The following CERS5 variants were observed in gnomAD, a reference collection of about 807,000 sequenced individuals.
CERS5 encodes the protein LAG1 homolog, ceramide synthase 5.
Under a neutral mutation model 58.9 loss-of-function variants are expected in CERS5, and 37 were observed. The observed-to-expected ratio is 0.63, with a 90% CI of 0.48 to 0.83. The LOEUF is 0.83. Ranked by LOEUF, CERS5 falls within the 40% of genes least tolerant of loss-of-function variation. The pLI is 0.00. For missense variants in CERS5, 398 were observed against 489.3 expected, an observed-to-expected ratio of 0.81 and a Z score of 1.76; for synonymous variants, 147 against 177.8, an observed-to-expected ratio of 0.83 and a Z score of 1.38.
At chr12:50,144,769 C>T (rs1211992083) in intron 1 of CERS5, 7 of 1,516,158 alleles carry the variant, frequency 4.6e-6, no homozygotes, top group East Asian at 2.5e-5. Flanking sequence ...AATCACTTAC[C>T]TCTTGGGTCT....
At chr12:50,158,776 C>A (rs557926631) in intron 1 of CERS5, among the ~76,000 whole-genome samples, 1 of 152,180 alleles carries the variant, frequency 6.6e-6, no homozygotes, top group African/African-American at 2.4e-5. Context: ...CCTGTAATTG[C>A]GACTGCTTAC....
At chr12:50,132,270 C>T (rs908613760) in intron 9 of CERS5, among the ~76,000 whole-genome samples, 48 of 152,020 alleles carry the variant, frequency 3.2e-4, no homozygotes, top group South Asian at 2.1e-3. Flanking sequence ...GGCGTGGTGG[C>T]GTATGCCTGT....
rs57414154 is a variant in CERS5 at position 50,144,862 on chromosome 12, G to A, written c.198-805C>T. 7.5e-4 allele frequency: 989 copies of A among 1,321,818 alleles called. 10 individuals carry two copies. The African/African-American group carries it at 0.012, about 17-fold the overall frequency. The allele number at this position is 1,321,818 out of a possible 1,614,324, so 81.9% of individuals were successfully genotyped here. On this transcript the variant is annotated intron_variant, in intron 1 of 9. Transcript: ENST00000317551. ...TTTAAAAAGAATAAAAAAGCCGGGCGTGGTGGCTCACGCCTGTAATCCCAG... is the reference window on the plus strand; with the variant it reads ...TTTAAAAAGAATAAAAAAGCCGGGCATGGTGGCTCACGCCTGTAATCCCAG...
At chr12:50,160,969 CAAAG>C (rs945096625) in intron 1 of CERS5, among the ~76,000 whole-genome samples, 41 of 152,286 alleles carry the variant, frequency 2.7e-4, no homozygotes, top group Admixed American at 1.4e-3. Flanking sequence ...ACAACAGAAA[CAAAG>C]AAATTATAAT....
At chr12:50,161,566 C>T (rs900807821) in intron 1 of CERS5, among the ~76,000 whole-genome samples, 16 of 151,878 alleles carry the variant, frequency 1.1e-4, no homozygotes, top group Non-Finnish European at 7.4e-5. Flanking sequence ...CACTTGAGGC[C>T]GGGAGTTCAA....
intron 1 of CERS5, among the ~76,000 whole-genome samples, chr12:50,161,784 G>GAAAAAAAAAAAAAAAAAAAAAAAAAA (rs374177550): frequency 2.9e-4 from 26 of 90,862 alleles, no homozygotes; most frequent in East Asian, 5.2e-4. Context: ...CTCAAAAAAA[G>GAAAAAAAAAAAAAAAAAAAAAAAAAA]AAAAAAAAAA....
chr12:50,166,714 A>G, intron 1 of CERS5, among the ~76,000 whole-genome samples: 1 of 152,134 alleles, frequency 6.6e-6, no homozygotes, highest in Non-Finnish European at 1.5e-5. Flanking sequence ...CATGGTCACA[A>G]CTAGCTCTGG....
chr12:50,149,890 G>C (rs556770689), intron 1 of CERS5, among the ~76,000 whole-genome samples: 1 of 152,190 alleles, frequency 6.6e-6, no homozygotes, highest in South Asian at 2.1e-4. Flanking sequence ...CTACAGGCGT[G>C]CACCACCATG....
At chr12:50,143,235 C>G in intron 2 of CERS5, 31 bp from the exon 3 acceptor site, 1 of 1,613,422 alleles carries the variant, frequency 6.2e-7, no homozygotes, top group South Asian at 1.1e-5. Flanking sequence ...TCAGAACACC[C>G]GTCTCCTCAT....
intron 4 of CERS5, among the ~76,000 whole-genome samples, chr12:50,138,923 A>G (rs1292199297): frequency 6.6e-6 from 1 of 152,216 alleles, no homozygotes; most frequent in Non-Finnish European, 1.5e-5. Flanking sequence ...ACCAAGAAAG[A>G]TATCTCCATG....
chr12:50,140,193 A>G (rs1951890146), intron 4 of CERS5, among the ~76,000 whole-genome samples: 1 of 150,350 alleles, frequency 6.7e-6, no homozygotes, highest in South Asian at 2.1e-4. Flanking sequence ...TTTTGATATG[A>G]TTTTTAGCAT....
rs200296618 is a variant in CERS5 at position 50,167,220 on chromosome 12, G to A, written c.78C>T (p.Asn26=). The A allele has an allele frequency of 3.7e-6, 6 of 1,606,324 alleles. No individual in the cohort carries two copies. Among genetic ancestry groups the A allele is most frequent in the South Asian group, 3.3e-5 (3 of 90,710 alleles). ...GCCCCTCCAGATCAGCCCAGCTCAC[G>A]TTCTCGGGTAGCCAGAAGCGCTCGC... ...LWSERFWLPE[N]VSWADLEGPA... is the part of the protein sequence containing the mutation. Residue 26 remains asparagine (N), a synonymous_variant, in exon 1 of 10, where the codon AAC becomes AAT. Coordinates refer to ENST00000317551, the MANE Select transcript of CERS5 (RefSeq NM_147190.5).
intron 1 of CERS5, chr12:50,144,868 G>C: frequency 8.6e-7 from 1 of 1,163,498 alleles, no homozygotes; most frequent in Non-Finnish European, 1.2e-6. Context: ...GGGCGTGGTG[G>C]CTCACGCCTG....
At chr12:50,155,464 C>T (rs536274953) in intron 1 of CERS5, among the ~76,000 whole-genome samples, 6 of 151,902 alleles carry the variant, frequency 3.9e-5, no homozygotes, top group South Asian at 2.1e-4. Flanking sequence ...TTGCCAGGCA[C>T]GGTGACTCAG....
intron 1 of CERS5, among the ~76,000 whole-genome samples, chr12:50,160,074 G>A (rs1436329371): frequency 6.6e-6 from 1 of 151,682 alleles, no homozygotes; most frequent in East Asian, 1.9e-4. Context: ...GGAGGCCGAG[G>A]TGGGTAGATC....
chr12:50,156,420 C>CTATA lies in CERS5; in HGVS notation c.197+10677_197+10680dup, dbSNP rs55762917. 4.4e-4 allele frequency among the ~76,000 whole-genome samples: 34 copies of CTATA among 77,346 alleles called. 9 individuals carry two copies. The highest frequency in any genetic ancestry group is 1.2e-3 in the African/African-American group (24 of 19,386). 50.7% of individuals were successfully genotyped at this position (77,346 alleles called of 152,430 possible). The stretch of plus-strand genomic sequence containing the variant: ...CTCTGTCTCAAAACAAACAAACAAA[C>CTATA]TATATATATATATATATAAAACAAT... On this transcript the variant is annotated intron_variant, in intron 1 of 9. Transcript: ENST00000317551.
At chr12:50,146,200 T>C (rs1244925247) in intron 1 of CERS5, among the ~76,000 whole-genome samples, 1 of 152,212 alleles carries the variant, frequency 6.6e-6, no homozygotes. Context: ...AGAATGGAGA[T>C]AATATCTACC....
At chr12:50,154,774 C>A (rs1938379231) in intron 1 of CERS5, among the ~76,000 whole-genome samples, 1 of 152,136 alleles carries the variant, frequency 6.6e-6, no homozygotes, top group Admixed American at 6.6e-5. Context: ...AAGCTATCCT[C>A]CTGTCTCTGC....
At chr12:50,149,362 T>C (rs562334477) in intron 1 of CERS5, among the ~76,000 whole-genome samples, 4 of 152,328 alleles carry the variant, frequency 2.6e-5, no homozygotes, top group African/African-American at 9.6e-5. Flanking sequence ...GTATTAGATT[T>C]GTCCTGCTTT....
Sources: allele counts gnomAD v4.1 joint callset (sites outside exome capture counted in the v4.1 genomes callset), GRCh38; gene constraint gnomAD v4.1.1; transcripts MANE v1.5; gene names NCBI Gene and HGNC (gene_info 2026-07-23, HGNC 2026-07-21).